Variants in ZNF28 observed in about 807,000 individuals in gnomAD.
ZNF28 encodes the protein zinc finger protein 28.
A neutral mutation model predicts 7.2 loss-of-function variants in ZNF28; 5 were observed. That is an observed-to-expected ratio of 0.70 (90% CI 0.36 to 1.46). The LOEUF (loss-of-function observed/expected upper bound fraction) is 1.46. ZNF28 is among the 40% of genes most tolerant of loss of function. The pLI is 0.03. For missense variants in ZNF28, 879 were observed against 866.6 expected (o/e 1.01, Z -0.18); for synonymous variants, 288 against 292.4 (o/e 0.99, Z 0.15).
At position 52,819,520 on chromosome 19, in the gene ZNF28, T is replaced by G. The variant is rs62120977; in HGVS notation, c.-73-1489A>C. Among the ~76,000 whole-genome samples the G allele has an allele frequency of 7.2e-3, 465 of 64,314 alleles. 139 individuals carry two copies. The highest frequency in any genetic ancestry group is 8.7e-3 in the East Asian group (39 of 4,478). The allele number at this position is 64,314 out of a possible 152,430, so 42.2% of individuals were successfully genotyped here. A position where few individuals can be genotyped will look rare whatever the true frequency, so the allele number is the denominator to read the frequency against. On this transcript the variant is annotated intron_variant, in intron 1 of 3. Coordinates refer to ENST00000457749, the MANE Select transcript of ZNF28 (RefSeq NM_006969.5). ...CACTCTATTTTGCCAATCATTTCAG[T>G]GGCCAGGGTCACTCGGGTTGAGCTT...
intron 3 of ZNF28, chr19:52,805,514 C>T (rs1338528117): frequency 1.3e-5 from 2 of 151,814 alleles, no homozygotes; most frequent in African/African-American, 4.8e-5. Context: ...GTAGTTGCAG[C>T]TACTCGGGAG....
intron 2 of ZNF28, 23 bp downstream of exon 2, chr19:52,817,921 A>T (rs1417416051): frequency 6.2e-7 from 1 of 1,609,326 alleles, no homozygotes; most frequent in East Asian, 2.2e-5. Flanking sequence ...AGACAGAGCA[A>T]TCCACCGAGA....
chr19:52,810,511 A>G (rs192405645), intron 2 of ZNF28: 1 of 1,591,554 alleles, frequency 6.3e-7, no homozygotes, highest in East Asian at 2.2e-5. Context: ...GAGGAAGGCA[A>G]ATCAAGGTGA....
chr19:52,805,670 A>C (rs2062929048), intron 3 of ZNF28: 1 of 151,384 alleles, frequency 6.6e-6, no homozygotes, highest in Non-Finnish European at 1.5e-5. Context: ...AAATAAATAA[A>C]GTTCTCCAGT....
At chr19:52,803,133 G>C (rs1236818446) in intron 3 of ZNF28, among the ~76,000 whole-genome samples, 1 of 152,140 alleles carries the variant, frequency 6.6e-6, no homozygotes, top group African/African-American at 2.4e-5. Context: ...AGGCTGGAGT[G>C]CAATGGTATG....
chr19:52,806,347 C>T (rs369363760), intron 3 of ZNF28, among the ~76,000 whole-genome samples: 110 of 151,980 alleles, frequency 7.2e-4, no homozygotes, highest in African/African-American at 2.5e-3. Flanking sequence ...CCACCCACCA[C>T]GGCGCCTGGC....
Position 52,800,772 on chromosome 19 carries a change from T to A in ZNF28, c.1073A>T (p.Asn358Ile). Residue 358 changes from asparagine (N) to isoleucine (I), a missense_variant, in exon 4 of 4, where the codon AAT becomes ATT. By Grantham distance (149) the Asn-to-Ile change is moderately radical (BLOSUM62 -3). Coordinates refer to ENST00000457749, the MANE Select transcript of ZNF28 (RefSeq NM_006969.5). Reference protein sequence around the residue: ...IHTGEKPYKCNECGKVFNRLS... With the variant: ...IHTGEKPYKCIECGKVFNRLS... ...TCGATTAAAAACCTTGCCACATTCA[T>A]TACACTTGTAAGGTTTCTCTCCAGT... 1 of 1,614,174 alleles carries A rather than the reference T, an allele frequency of 6.2e-7. No homozygotes were observed. The highest frequency in any genetic ancestry group is 8.5e-7 in the Non-Finnish European group (1 of 1,180,022).
intron 2 of ZNF28, chr19:52,809,778 C>T: frequency 2.0e-6 from 1 of 498,754 alleles, no homozygotes; most frequent in South Asian, 2.6e-5. Flanking sequence ...TCACTGCAGC[C>T]TGGGTGACAG....
At chr19:52,801,745 T>C (rs1414416351) in intron 3 of ZNF28, 43 bp from the exon 4 acceptor site, 3 of 1,537,528 alleles carry the variant, frequency 2.0e-6, no homozygotes, top group Non-Finnish European at 2.7e-6. Context: ...GAAGTACAGA[T>C]GGTGTATAAT....
In ZNF28 at chr19:52,801,137, G is replaced by T. The variant is rs769112394; in HGVS notation, c.708C>A (p.Thr236=). 3.1e-6 allele frequency: 5 copies of T among 1,613,968 alleles called. No individual in the cohort carries two copies. In the Admixed American group the frequency reaches 8.3e-5, roughly 27 times the overall value. The change falls in exon 4 of 4, where the codon ACC becomes ACA. Residue 236 remains threonine, a synonymous_variant. Coordinates refer to ENST00000457749, the MANE Select transcript of ZNF28 (RefSeq NM_006969.5). ...CSSLLKKHQI[T]HLEEKQCKCD... Reference sequence around the variant, plus strand: ...ATTTACATTGTTTCTCTTCTAAGTGGGTTATCTGATGTTTTTTTAAAAGTG... The same window carrying T: ...ATTTACATTGTTTCTCTTCTAAGTGTGTTATCTGATGTTTTTTTAAAAGTG...
rs576094768 is a variant in ZNF28 at position 52,805,703 on chromosome 19, C to T, written c.142+2304G>A. The T allele has an allele frequency of 6.9e-4, 95 of 137,676 alleles. 1 individual carries two copies. Among genetic ancestry groups the T allele is most frequent in the African/African-American group, 2.3e-3 (89 of 39,018 alleles). The allele number at this position is 137,676 out of a possible 1,614,324, so 8.5% of individuals were successfully genotyped here. A position where few individuals can be genotyped will look rare whatever the true frequency, so the allele number is the denominator to read the frequency against. ...AGTAAAGGTAGTAAAAACAGATAGG[C>T]CAAGCATCGTGGTTCATGCCTGTAA... On this transcript the variant is annotated intron_variant, in intron 3 of 3. Coordinates refer to ENST00000457749, the MANE Select transcript of ZNF28 (RefSeq NM_006969.5).
Position 52,799,941 on chromosome 19 carries a change from T to C in ZNF28, c.1904A>G (p.Tyr635Cys), listed in dbSNP as rs1297344881. The change falls in exon 4 of 4, where the codon TAC becomes TGC. Residue 635 changes from tyrosine to cysteine, a missense_variant. Coordinates refer to ENST00000457749, the MANE Select transcript of ZNF28 (RefSeq NM_006969.5). ...HRRLHTGEKP[Y>C]KCNECGKTFS... The stretch of plus-strand genomic sequence containing the variant: ...GGTCTTGCCACACTCATTACACTTG[T>C]AAGGTTTCTCTCCAGTATGAAGCCT... The C allele has an allele frequency of 6.2e-7, 1 of 1,613,908 alleles. No individual in the cohort carries two copies. Among genetic ancestry groups the C allele is most frequent in the South Asian group, 1.1e-5 (1 of 91,062 alleles).
chr19:52,803,092 T>G (rs2062894562), intron 3 of ZNF28, among the ~76,000 whole-genome samples: 1 of 151,816 alleles, frequency 6.6e-6, no homozygotes, highest in East Asian at 1.9e-4. Context: ...GTATTTTTAT[T>G]TTTTTGAGAT....
rs56721617 is a variant in ZNF28, at chr19:52,817,313, G to A, written c.15+631C>T. ...CTTGAACCCAGGAGGCGGAGGTTGC[G>A]GTGAGCTGAGATCACGCCATTGCAC... On this transcript the variant is annotated intron_variant, in intron 2 of 3. Transcript: ENST00000457749. 9.2e-4 allele frequency among the ~76,000 whole-genome samples: 140 copies of A among 151,830 alleles called. 1 individual carries two copies. The highest frequency in any genetic ancestry group is 3.1e-3 in the African/African-American group (127 of 41,398).
rs7259275 is a variant in ZNF28 at position 52,818,997 on chromosome 19, G to A, written c.-73-966C>T. Among the ~76,000 whole-genome samples the A allele has an allele frequency of 6.4e-3, 919 of 143,622 alleles. 114 individuals carry two copies. The highest frequency in any genetic ancestry group is 0.023 in the African/African-American group (852 of 36,856). The allele number at this position is 143,622 out of a possible 152,430, so 94.2% of individuals were successfully genotyped here. ...GAGGGAACTTCAGATGGGGGTGGGA[G>A]GGCATGGGAGACAGCTCTGAGCCTA... On this transcript the variant is annotated intron_variant, in intron 1 of 3. Coordinates refer to ENST00000457749, the MANE Select transcript of ZNF28 (RefSeq NM_006969.5).
chr19:52,810,683 C>A, intron 2 of ZNF28: 1 of 862,406 alleles, frequency 1.2e-6, no homozygotes, highest in Non-Finnish European at 2.0e-6. Flanking sequence ...CGGGCTAGAG[C>A]GACATCACGG....
chr19:52,802,120 A>C (rs1435320463), intron 3 of ZNF28, among the ~76,000 whole-genome samples: 1 of 152,236 alleles, frequency 6.6e-6, no homozygotes, highest in Non-Finnish European at 1.5e-5. Flanking sequence ...ATATTGGTAA[A>C]TAATCCAAAA....
intron 3 of ZNF28, among the ~76,000 whole-genome samples, chr19:52,802,113 T>C (rs886681818): frequency 6.6e-6 from 1 of 152,232 alleles, no homozygotes; most frequent in African/African-American, 2.4e-5. Context: ...ATATACTATA[T>C]TGGTAAATAA....
intron 2 of ZNF28, among the ~76,000 whole-genome samples, chr19:52,811,208 G>A (rs1243861724): frequency 6.6e-6 from 1 of 150,976 alleles, no homozygotes; most frequent in Non-Finnish European, 1.5e-5. Context: ...ATGGTGCCCA[G>A]GCTGGAGTGC....
Sources: gnomAD v4.1 joint callset for allele counts (sites outside exome capture counted in the v4.1 genomes callset) on GRCh38, gnomAD v4.1.1 for gene constraint, MANE v1.5 for transcripts, NCBI Gene and HGNC (gene_info 2026-07-23, HGNC 2026-07-21) for gene names.